The following SPRED2 variants were observed in gnomAD, a reference collection of about 807,000 sequenced individuals.
SPRED2 encodes sprouty related EVH1 domain containing 2.
SPRED2 carries 47 observed loss-of-function variants against 43.0 expected under a neutral mutation model. The ratio of observed to expected loss-of-function variants is 1.09; its 90% CI spans 0.87 to 1.40. SPRED2 has a LOEUF of 1.40. Ranked by LOEUF, SPRED2 falls within the 40% of genes most tolerant of loss-of-function variation. SPRED2 has a pLI of 0.00. For missense variants in SPRED2, 561 were observed against 586.4 expected (o/e 0.96, Z 0.45); for synonymous variants, 225 against 225.7 (o/e 1.00, Z 0.03).
In SPRED2 at chr2:65,312,310, T is replaced by C; in HGVS notation, c.*1191A>G. On this transcript the variant is annotated 3_prime_UTR_variant, in exon 6 of 6. Coordinates refer to ENST00000356388, the MANE Select transcript of SPRED2 (RefSeq NM_181784.3). The stretch of plus-strand genomic sequence containing the variant: ...CATATGGCCTTGTTTTTTCCCCAAG[T>C]ATAAATGAGGAATTTGGTGATGTGA... 2 of 985,358 alleles carry C rather than the reference T, an allele frequency of 2.0e-6. No individual in the cohort carries two copies. The highest frequency in any genetic ancestry group is 2.4e-6 in the Non-Finnish European group (2 of 829,916). 61.0% of individuals were successfully genotyped at this position (985,358 alleles called of 1,614,324 possible).
At position 65,313,156 on chromosome 2, in the gene SPRED2, G is replaced by C. The variant is rs1320080066; in HGVS notation, c.*345C>G. Reference sequence around the variant, plus strand: ...TCCAATTGCAGACTCCTTTGAACTGGAAGAGGCGGGGGAGGAGGAAACAGG... The same window carrying C: ...TCCAATTGCAGACTCCTTTGAACTGCAAGAGGCGGGGGAGGAGGAAACAGG... On this transcript the variant is annotated 3_prime_UTR_variant, in exon 6 of 6. Coordinates refer to ENST00000356388, the MANE Select transcript of SPRED2 (RefSeq NM_181784.3). 1 of 1,031,180 alleles carries C rather than the reference G, an allele frequency of 9.7e-7. No individual in the cohort carries two copies. Among genetic ancestry groups the C allele is most frequent in the Non-Finnish European group, 1.2e-6 (1 of 860,364 alleles). The allele number at this position is 1,031,180 out of a possible 1,614,324, so 63.9% of individuals were successfully genotyped here.
At chr2:65,416,334 G>A (rs1676272972) in intron 1 of SPRED2, among the ~76,000 whole-genome samples, 1 of 152,146 alleles carries the variant, frequency 6.6e-6, no homozygotes, top group Non-Finnish European at 1.5e-5. Flanking sequence ...CAGTTGGGGG[G>A]GTGTATATTT....
At chr2:65,348,734 G>A (rs889239820) in intron 1 of SPRED2, among the ~76,000 whole-genome samples, 5 of 150,938 alleles carry the variant, frequency 3.3e-5, no homozygotes, top group East Asian at 2.0e-4. Context: ...AACCCCAGAG[G>A]CAGAGCTGAG....
At chr2:65,334,352 A>C in intron 3 of SPRED2, 1 of 588,906 alleles carries the variant, frequency 1.7e-6, no homozygotes, top group Middle Eastern at 2.6e-4. Context: ...GGAAATCCAG[A>C]ACCTGCCTGT....
At chr2:65,329,117 T>A (rs1400457212) in intron 4 of SPRED2, among the ~76,000 whole-genome samples, 1 of 152,212 alleles carries the variant, frequency 6.6e-6, no homozygotes, top group Non-Finnish European at 1.5e-5. Context: ...GGGGCTGGGA[T>A]GTCATTAGAC....
intron 4 of SPRED2, 145 bp downstream of exon 4, chr2:65,331,842 T>C (rs1673820438): frequency 1.2e-5 from 7 of 579,970 alleles, no homozygotes; most frequent in Non-Finnish European, 1.8e-5. Context: ...CTGAGAAAAA[T>C]TGTAGTAAGA....
At chr2:65,404,113 G>A (rs1242580724) in intron 1 of SPRED2, among the ~76,000 whole-genome samples, 1 of 151,848 alleles carries the variant, frequency 6.6e-6, no homozygotes, top group Non-Finnish European at 1.5e-5. Flanking sequence ...GCTGAGGCAG[G>A]AGAACTCTTG....
chr2:65,361,203 A>C (rs1181830065), intron 1 of SPRED2, among the ~76,000 whole-genome samples: 1 of 152,238 alleles, frequency 6.6e-6, no homozygotes, highest in Non-Finnish European at 1.5e-5. Flanking sequence ...ATGAGGAGCA[A>C]TTAATAAATA....
At chr2:65,390,985 A>G (rs268128) in intron 1 of SPRED2, among the ~76,000 whole-genome samples, 146,826 of 151,630 alleles carry the variant, frequency 0.97, 71,121 homozygotes, top group East Asian at 1. Flanking sequence ...CTACTTGGGC[A>G]GGTGAGGTGG....
rs931614228 is a variant in SPRED2, at chr2:65,313,768, G to C, written c.990C>G (p.Pro330=). The change falls in exon 6 of 6, where the codon CCC becomes CCG. Residue 330 remains proline, a synonymous_variant. Transcript: ENST00000356388. The stretch of plus-strand genomic sequence containing the variant: ...GGCGGATGCAAGTTCTCACGGAGTC[G>C]GGCGCGTCCTGGCAGTGGCCCCGGC... The part of the protein sequence containing the change: ...ENRRGHCQDA[P]DSVRTCIRRV... The C allele has an allele frequency of 2.5e-6, 4 of 1,614,036 alleles. No homozygotes were observed. The highest frequency in any genetic ancestry group is 1.3e-5 in the African/African-American group (1 of 74,938).
At position 65,432,039 on chromosome 2, in the gene SPRED2, A is replaced by C. The variant is rs2103833241; in HGVS notation, c.-52T>G. On this transcript the variant is annotated 5_prime_UTR_variant, in exon 1 of 6. It removes an upstream start codon present in the reference 5' UTR. Coordinates refer to ENST00000356388, the MANE Select transcript of SPRED2 (RefSeq NM_181784.3). Reference sequence around the variant, plus strand: ...CGCGGCGGGCAGCTTTGCTCCCTTCATCTTCCTGTCCGCTCGCCCCCCTTC... The same window carrying C: ...CGCGGCGGGCAGCTTTGCTCCCTTCCTCTTCCTGTCCGCTCGCCCCCCTTC... 1 of 1,611,616 alleles carries C rather than the reference A, an allele frequency of 6.2e-7. No individual in the cohort carries two copies. Among genetic ancestry groups the C allele is most frequent in the South Asian group, 1.1e-5 (1 of 90,978 alleles).
intron 1 of SPRED2, among the ~76,000 whole-genome samples, chr2:65,393,400 C>T (rs1226963206): frequency 8.7e-5 from 13 of 149,986 alleles, no homozygotes; most frequent in East Asian, 7.8e-4. Flanking sequence ...GGCACAATCT[C>T]GGCTCACTGC....
At chr2:65,366,771 T>C in intron 1 of SPRED2, 2 of 1,375,426 alleles carry the variant, frequency 1.5e-6, no homozygotes, top group Non-Finnish European at 1.9e-6. Flanking sequence ...TACTGCATTG[T>C]ACCGGATGAG....
rs529039141 is a variant in SPRED2 at position 65,321,834 on chromosome 2, G to A, written c.439-4951C>T. On this transcript the variant is annotated intron_variant, in intron 4 of 5. Coordinates refer to ENST00000356388, the MANE Select transcript of SPRED2 (RefSeq NM_181784.3). ...GTCACCCAGGCTGGAGTGCAGCGGCGGAATCTCAGCTCACTGCAACCTCCG... is the reference window on the plus strand; with the variant it reads ...GTCACCCAGGCTGGAGTGCAGCGGCAGAATCTCAGCTCACTGCAACCTCCG... Among the ~76,000 whole-genome samples, 14 of 151,634 alleles carry A rather than the reference G, an allele frequency of 9.2e-5. No individual in the cohort carries two copies. The South Asian group carries it at 1.5e-3, about 16-fold the overall frequency.
At chr2:65,403,606 A>G (rs1030644400) in intron 1 of SPRED2, among the ~76,000 whole-genome samples, 2 of 152,196 alleles carry the variant, frequency 1.3e-5, no homozygotes, top group African/African-American at 4.8e-5. Flanking sequence ...TCCTCAAAAT[A>G]CTAAAGACTA....
At chr2:65,426,960 C>T (rs1676570491) in intron 1 of SPRED2, among the ~76,000 whole-genome samples, 1 of 152,232 alleles carries the variant, frequency 6.6e-6, no homozygotes, top group Non-Finnish European at 1.5e-5. Flanking sequence ...CCAGGTCTAC[C>T]ACCTCACTAG....
chr2:65,350,650 T>C (rs1674480921), intron 1 of SPRED2, among the ~76,000 whole-genome samples: 1 of 152,178 alleles, frequency 6.6e-6, no homozygotes, highest in Non-Finnish European at 1.5e-5. Flanking sequence ...TCACGCAATA[T>C]GCAAAAGAGG....
chr2:65,403,230 G>T (rs946930311), intron 1 of SPRED2, among the ~76,000 whole-genome samples: 16 of 152,202 alleles, frequency 1.1e-4, no homozygotes, highest in African/African-American at 3.9e-4. Flanking sequence ...TCCAGAAGGG[G>T]TTACGGATAG....
chr2:65,333,665 A>G (rs1431736006), intron 3 of SPRED2, among the ~76,000 whole-genome samples: 2 of 152,218 alleles, frequency 1.3e-5, no homozygotes, highest in African/African-American at 2.4e-5. Context: ...TGTCAGAACT[A>G]TGATTTGAAC....
Sources: allele counts gnomAD v4.1 joint callset (sites outside exome capture counted in the v4.1 genomes callset), GRCh38; gene constraint gnomAD v4.1.1; transcripts MANE v1.5; gene names NCBI Gene and HGNC (gene_info 2026-07-23, HGNC 2026-07-21).